The following CAPRIN1 variants were observed in gnomAD, a reference collection of about 807,000 sequenced individuals.
CAPRIN1 encodes caprin-1.
A neutral mutation model predicts 100.9 loss-of-function variants in CAPRIN1; 29 were observed. The ratio of observed to expected loss-of-function variants is 0.29; its 90% CI spans 0.21 to 0.39. CAPRIN1 has a LOEUF of 0.39. CAPRIN1 is among the 10% of genes least tolerant of loss of function. The pLI, the probability that CAPRIN1 is intolerant of heterozygous loss-of-function variation, is 1.00. For missense variants in CAPRIN1, 795 were observed against 876.7 expected (o/e 0.91, Z 1.18); for synonymous variants, 338 against 307.5 (o/e 1.10, Z -1.04).
chr11:34,089,581 G>T, intron 12 of CAPRIN1, 125 bp downstream of exon 12: 2 of 454,770 alleles, frequency 4.4e-6, no homozygotes, highest in South Asian at 5.2e-5. Context: ...AGTCTGGGCA[G>T]TGTAGCGAGA....
In CAPRIN1 at chr11:34,101,797, G is replaced by A. The variant is rs888811057; in HGVS notation, c.*2430G>A. On this transcript the variant is annotated 3_prime_UTR_variant, in exon 19 of 19. Transcript: ENST00000341394. ...TGATTGCTTGTCCTAGCTGCAGAAG[G>A]CCTTTTGTTTGGTCAAATGCATATT... Among the ~76,000 whole-genome samples, 3 of 151,970 alleles carry A rather than the reference G, an allele frequency of 2.0e-5. No homozygotes were observed. The South Asian group carries it at 6.2e-4, about 32-fold the overall frequency.
intron 2 of CAPRIN1, among the ~76,000 whole-genome samples, chr11:34,061,943 A>G (rs1214349694): frequency 7.7e-6 from 1 of 130,250 alleles, no homozygotes; most frequent in Non-Finnish European, 1.5e-5. Flanking sequence ...ACACTCCAGC[A>G]TGGGTGACAC....
At position 34,100,100 on chromosome 11, in the gene CAPRIN1, T is replaced by G. The variant is rs1449042867; in HGVS notation, c.*733T>G. The G allele has an allele frequency of 6.6e-6, 1 of 152,668 alleles. No homozygotes were observed. Among genetic ancestry groups the G allele is most frequent in the Non-Finnish European group, 1.5e-5 (1 of 68,042 alleles). The allele number at this position is 152,668 out of a possible 1,614,324, so 9.5% of individuals were successfully genotyped here. On this transcript the variant is annotated 3_prime_UTR_variant, in exon 19 of 19. Coordinates refer to ENST00000341394, the MANE Select transcript of CAPRIN1 (RefSeq NM_005898.5). ...ATGGGATGTAATCCGGATGGCCGCT[T>G]CTGTACTTAATGTGAAATATTTAGA...
At position 34,065,056 on chromosome 11, in the gene CAPRIN1, T is replaced by C. The variant is rs185751325; in HGVS notation, c.217-6670T>C. ...CTCACTGCAAGCTCCACCTCCCGGG[T>C]TCTCACCTTTCTCCTGCCTCAGCCT... On this transcript the variant is annotated intron_variant, in intron 2 of 18. Coordinates refer to ENST00000341394, the MANE Select transcript of CAPRIN1 (RefSeq NM_005898.5). Among the ~76,000 whole-genome samples the C allele has an allele frequency of 4.9e-3, 733 of 149,224 alleles. 7 individuals are homozygous for C. Among genetic ancestry groups the C allele is most frequent in the African/African-American group, 0.017 (695 of 40,270 alleles).
chr11:34,090,226 C>T lies in CAPRIN1; in HGVS notation c.1341C>T (p.Pro447=). ...GTGAGGGGTACACAGCATCTCAACCCTTGTACCAGCCTTCTCATGCTACAG... is the reference window on the plus strand; with the variant it reads ...GTGAGGGGTACACAGCATCTCAACCTTTGTACCAGCCTTCTCATGCTACAG... The part of the protein sequence containing the change: ...STSEGYTASQ[P]LYQPSHATEQ... Residue 447 remains proline, a synonymous_variant, in exon 13 of 19, where the codon CCC becomes CCT. Coordinates refer to ENST00000341394, the MANE Select transcript of CAPRIN1 (RefSeq NM_005898.5). 6.2e-7 allele frequency: 1 copy of T among 1,613,924 alleles called. No homozygotes were observed. Among genetic ancestry groups the T allele is most frequent in the Non-Finnish European group, 8.5e-7 (1 of 1,179,892 alleles).
intron 2 of CAPRIN1, among the ~76,000 whole-genome samples, chr11:34,054,754 C>G (rs942620074): frequency 6.6e-6 from 1 of 152,056 alleles, no homozygotes. Context: ...AGTAAGCAAG[C>G]CTGCTGATCT....
chr11:34,080,158 C>T (rs146248031), intron 7 of CAPRIN1, among the ~76,000 whole-genome samples: 2,212 of 152,170 alleles, frequency 0.015, 66 homozygotes, highest in African/African-American at 0.049. Context: ...CCCTTGACCT[C>T]GTGATCCACC....
At chr11:34,061,925 G>GCAC (rs1850587787) in intron 2 of CAPRIN1, among the ~76,000 whole-genome samples, 1 of 135,214 alleles carries the variant, frequency 7.4e-6, no homozygotes, top group Admixed American at 8.4e-5. Context: ...AGCCAAGATC[G>GCAC]CACCACTACA....
In CAPRIN1 at chr11:34,099,995, A is replaced by AT. The variant is rs1565100427; in HGVS notation, c.*628_*629insT. 6.5e-6 allele frequency: 1 copy of AT among 152,800 alleles called. No individual in the cohort carries two copies. Among genetic ancestry groups the AT allele is most frequent in the Non-Finnish European group, 1.5e-5 (1 of 68,120 alleles). The allele number at this position is 152,800 out of a possible 1,614,324, so 9.5% of individuals were successfully genotyped here. A position where few individuals can be genotyped will look rare whatever the true frequency, so the allele number is the denominator to read the frequency against. ...TAAAAACACATGTAAAATGCTTTTT[A>AT]ACAGCTGATACTGTATAAGACAAAG... On this transcript the variant is annotated 3_prime_UTR_variant, in exon 19 of 19. Coordinates refer to ENST00000341394, the MANE Select transcript of CAPRIN1 (RefSeq NM_005898.5).
chr11:34,095,381 A>G (rs1851350575), intron 15 of CAPRIN1, among the ~76,000 whole-genome samples: 1 of 152,266 alleles, frequency 6.6e-6, no homozygotes, highest in Admixed American at 6.5e-5. Context: ...ATAAAAGGCA[A>G]TCTATGTAAA....
chr11:34,058,803 C>T (rs1850511498), intron 2 of CAPRIN1, among the ~76,000 whole-genome samples: 1 of 152,180 alleles, frequency 6.6e-6, no homozygotes, highest in African/African-American at 2.4e-5. Flanking sequence ...GTACATTTGT[C>T]AGACTCTACT....
chr11:34,073,933 C>A (rs1338218852), intron 4 of CAPRIN1, among the ~76,000 whole-genome samples: 1 of 152,138 alleles, frequency 6.6e-6, no homozygotes, highest in East Asian at 1.9e-4. Context: ...GATCAAGGTA[C>A]CAGCATCTTG....
intron 2 of CAPRIN1, 141 bp downstream of exon 2, chr11:34,052,777 C>G: frequency 7.0e-7 from 1 of 1,427,458 alleles, no homozygotes; most frequent in East Asian, 2.5e-5. Flanking sequence ...GCCCACACGC[C>G]CCGTCTCCAC....
At chr11:34,056,276 CTA>C (rs1311051776) in intron 2 of CAPRIN1, among the ~76,000 whole-genome samples, 2 of 151,726 alleles carry the variant, frequency 1.3e-5, no homozygotes, top group African/African-American at 2.4e-5. Context: ...GCAAAAATGA[CTA>C]TGGATATGTA....
chr11:34,071,822 T>A (rs746671724), intron 3 of CAPRIN1, 34 bp downstream of exon 3: 16 of 1,580,368 alleles, frequency 1.0e-5, no homozygotes, highest in African/African-American at 1.3e-5. Flanking sequence ...TTAGACCTAA[T>A]GCTCACTATT....
chr11:34,052,427 T>G lies in CAPRIN1; in HGVS notation c.7T>G (p.Ser3Ala). The change falls in exon 2 of 19, where the codon TCG becomes GCG. Residue 3 changes from serine to alanine, a missense_variant. By Grantham distance (99) the Ser-to-Ala change is moderately conservative (BLOSUM62 1). Transcript: ENST00000341394. MP[S>A]ATSHSGSGSK... ...CTCTCCTTGCGGTCTGAAGATGCCCTCGGCCACCAGCCACAGCGGGAGCGG... is the reference window on the plus strand; with the variant it reads ...CTCTCCTTGCGGTCTGAAGATGCCCGCGGCCACCAGCCACAGCGGGAGCGG... The G allele has an allele frequency of 6.2e-7, 1 of 1,607,156 alleles. No homozygotes were observed.
intron 2 of CAPRIN1, among the ~76,000 whole-genome samples, chr11:34,068,762 C>T (rs1850749836): frequency 1.3e-5 from 2 of 152,182 alleles, no homozygotes; most frequent in South Asian, 4.1e-4. Flanking sequence ...TATAATTTTA[C>T]CACTCAGGTA....
intron 2 of CAPRIN1, among the ~76,000 whole-genome samples, chr11:34,069,119 A>G (rs1850758852): frequency 6.7e-6 from 1 of 150,274 alleles, no homozygotes. Context: ...TTATTTTGGA[A>G]TATCCTAAAT....
intron 2 of CAPRIN1, among the ~76,000 whole-genome samples, chr11:34,057,148 G>A (rs937083734): frequency 6.6e-6 from 1 of 152,142 alleles, no homozygotes; most frequent in African/African-American, 2.4e-5. Context: ...ATTACCTGAA[G>A]CCTTCTTTGA....
Sources: gnomAD v4.1 joint callset for allele counts (sites outside exome capture counted in the v4.1 genomes callset) on GRCh38, gnomAD v4.1.1 for gene constraint, MANE v1.5 for transcripts, NCBI Gene and HGNC (gene_info 2026-07-23, HGNC 2026-07-21) for gene names.